SEMA5A: variants seen among roughly 807,000 people sequenced by gnomAD.
The protein encoded by SEMA5A is semaphorin-5A.
A neutral mutation model predicts 135.5 loss-of-function variants in SEMA5A; 55 were observed. That is an observed-to-expected ratio of 0.41 (90% CI 0.33 to 0.51). The LOEUF (loss-of-function observed/expected upper bound fraction) is 0.51. SEMA5A is among the 20% of genes least tolerant of loss of function. The pLI, the probability that SEMA5A is intolerant of heterozygous loss-of-function variation, is 0.37. For missense variants in SEMA5A, 1,290 were observed against 1,419.9 expected, an observed-to-expected ratio of 0.91 and a Z score of 1.47; for synonymous variants, 580 against 546.5, an observed-to-expected ratio of 1.06 and a Z score of -0.85.
chr5:9,373,743 T>C (rs990912453), intron 3 of SEMA5A, among the ~76,000 whole-genome samples: 1 of 152,160 alleles, frequency 6.6e-6, no homozygotes, highest in East Asian at 1.9e-4. Flanking sequence ...AAGAAAGGCC[T>C]CCAAATCAGT....
At chr5:9,398,704 C>A (rs1756516351) in intron 2 of SEMA5A, among the ~76,000 whole-genome samples, 1 of 152,176 alleles carries the variant, frequency 6.6e-6, no homozygotes, top group East Asian at 1.9e-4. Context: ...TTTCAATTTT[C>A]TGTGTCTAAT....
intron 16 of SEMA5A, among the ~76,000 whole-genome samples, chr5:9,098,691 T>C (rs6871024): frequency 4.6e-5 from 7 of 152,246 alleles, no homozygotes; most frequent in Non-Finnish European, 8.8e-5. Flanking sequence ...GTTCTGCATG[T>C]ACTGCCTACT....
chr5:9,223,226 T>C (rs1426193294), intron 8 of SEMA5A, among the ~76,000 whole-genome samples: 2 of 152,242 alleles, frequency 1.3e-5, no homozygotes, highest in African/African-American at 4.8e-5. Flanking sequence ...TAGAGTCATT[T>C]AGTTTACTTG....
At chr5:9,433,190 G>C (rs1757915817) in intron 2 of SEMA5A, among the ~76,000 whole-genome samples, 1 of 152,016 alleles carries the variant, frequency 6.6e-6, no homozygotes, top group African/African-American at 2.4e-5. Flanking sequence ...CATTGAGAAG[G>C]TTTTAAAAAG....
At chr5:9,098,121 G>A (rs1274281125) in intron 16 of SEMA5A, among the ~76,000 whole-genome samples, 2 of 152,006 alleles carry the variant, frequency 1.3e-5, no homozygotes, top group Admixed American at 6.6e-5. Flanking sequence ...TCAAGTGCCT[G>A]TAATCCAGTT....
At chr5:9,297,759 T>C (rs1372195250) in intron 5 of SEMA5A, among the ~76,000 whole-genome samples, 2 of 151,746 alleles carry the variant, frequency 1.3e-5, no homozygotes, top group African/African-American at 2.4e-5. Context: ...ACAGGGTTTT[T>C]CCATGTTGCC....
intron 2 of SEMA5A, among the ~76,000 whole-genome samples, chr5:9,403,957 T>C (rs576263954): frequency 5.1e-4 from 77 of 152,304 alleles, no homozygotes; most frequent in Non-Finnish European, 9.3e-4. Context: ...TTTTTTGAGA[T>C]GAAGTCTCGC....
intron 16 of SEMA5A, among the ~76,000 whole-genome samples, chr5:9,092,150 C>T (rs1739069227): frequency 1.3e-5 from 2 of 152,108 alleles, no homozygotes; most frequent in South Asian, 2.1e-4. Flanking sequence ...TGAGCGATGC[C>T]TCATACTCAT....
intron 13 of SEMA5A, among the ~76,000 whole-genome samples, chr5:9,132,103 C>T (rs1741469441): frequency 6.6e-6 from 1 of 152,174 alleles, no homozygotes; most frequent in South Asian, 2.1e-4. Context: ...GCAAACAGAA[C>T]ATTAATCAAT....
chr5:9,349,067 C>A (rs1049359310), intron 3 of SEMA5A, among the ~76,000 whole-genome samples: 6 of 152,168 alleles, frequency 3.9e-5, no homozygotes, highest in African/African-American at 1.4e-4. Context: ...TTCTTCAGAC[C>A]TTAGGATTCA....
chr5:9,543,887 A>T (rs1561337778), intron 1 of SEMA5A, among the ~76,000 whole-genome samples: 3 of 152,198 alleles, frequency 2.0e-5, no homozygotes, highest in African/African-American at 7.2e-5. Context: ...GGAAAAAAAA[A>T]TCCATGTTTC....
chr5:9,353,098 G>GGAAGGGA (rs1561176710), intron 3 of SEMA5A, among the ~76,000 whole-genome samples: 1 of 21,788 alleles, frequency 4.6e-5, no homozygotes, highest in East Asian at 1.1e-3. Flanking sequence ...GGAAAGGAAG[G>GGAAGGGA]AAGGAAAGGA....
chr5:9,075,352 G>T (rs1193456019), intron 16 of SEMA5A, among the ~76,000 whole-genome samples: 3 of 152,052 alleles, frequency 2.0e-5, no homozygotes, highest in Non-Finnish European at 4.4e-5. Context: ...TGAAACACAT[G>T]CCCATACAAA....
intron 1 of SEMA5A, among the ~76,000 whole-genome samples, chr5:9,518,874 CAT>C (rs1373484794): frequency 1.3e-5 from 2 of 151,976 alleles, no homozygotes; most frequent in Non-Finnish European, 2.9e-5. Context: ...CCCAGAATGA[CAT>C]GTTTATCTTT....
chr5:9,233,722 A>G (rs1369294570), intron 6 of SEMA5A, among the ~76,000 whole-genome samples: 13 of 152,284 alleles, frequency 8.5e-5, no homozygotes, highest in Non-Finnish European at 1.8e-4. Context: ...ATCCCAGGGA[A>G]ACAAGGGGAA....
intron 13 of SEMA5A, 56 bp from the exon 14 acceptor site, chr5:9,122,893 G>A (rs566661150): frequency 1.4e-6 from 2 of 1,405,348 alleles, no homozygotes; most frequent in East Asian, 2.5e-5. Flanking sequence ...AACACATAAT[G>A]GAGTAAAAAT....
At chr5:9,258,742 G>A (rs186491950) in intron 5 of SEMA5A, among the ~76,000 whole-genome samples, 2 of 149,508 alleles carry the variant, frequency 1.3e-5, no homozygotes, top group African/African-American at 4.9e-5. Flanking sequence ...CACATAGTAA[G>A]CCTGTGATAT....
chr5:9,097,713 G>T (rs181189345), intron 16 of SEMA5A, among the ~76,000 whole-genome samples: 35 of 152,296 alleles, frequency 2.3e-4, no homozygotes, highest in Admixed American at 2.1e-3. Context: ...CTCAGTCATG[G>T]CCCAAGTGCC....
chr5:9,089,995 T>C (rs1156716486), intron 16 of SEMA5A, among the ~76,000 whole-genome samples: 3 of 152,212 alleles, frequency 2.0e-5, no homozygotes, highest in Non-Finnish European at 4.4e-5. Context: ...TGAATATGAC[T>C]ATATAAATAT....
Sources: allele counts gnomAD v4.1 joint callset (sites outside exome capture counted in the v4.1 genomes callset), GRCh38; gene constraint gnomAD v4.1.1; transcripts MANE v1.5; gene names NCBI Gene and HGNC (gene_info 2026-07-23, HGNC 2026-07-21).